FAM20B: variants seen among roughly 807,000 people sequenced by gnomAD.
The protein encoded by FAM20B is glycosaminoglycan xylosylkinase.
A neutral mutation model predicts 43.8 loss-of-function variants in FAM20B; 23 were observed. The ratio of observed to expected loss-of-function variants is 0.53; its 90% CI spans 0.38 to 0.74. The LOEUF (loss-of-function observed/expected upper bound fraction) is 0.74, where lower values mean the gene tolerates loss of function less well. Among genes scored for constraint, FAM20B ranks in the 30% least tolerant of loss-of-function variants. The pLI is 0.00. For synonymous variants in FAM20B, 178 were observed against 192.4 expected (o/e 0.93, Z 0.62); for missense variants, 440 against 510.5 (o/e 0.86, Z 1.33).
intron 1 of FAM20B, among the ~76,000 whole-genome samples, chr1:179,033,012 A>G (rs760845986): frequency 6.6e-6 from 1 of 152,246 alleles, no homozygotes; most frequent in Non-Finnish European, 1.5e-5. Flanking sequence ...GTGTAAACTC[A>G]TAACAGTTAA....
In FAM20B at chr1:179,071,955, T is replaced by C; in HGVS notation, c.1041T>C (p.Asn347=). The stretch of plus-strand genomic sequence containing the variant: ...GGAACAGACTGAACTACCTAAAGAA[T>C]GGTGTGCTAAAGTCTGCCTTAAAAT... The part of the protein sequence containing the change: ...STWNRLNYLK[N]GVLKSALKSA... The change falls in exon 8 of 8, where the codon AAT becomes AAC. Residue 347 remains asparagine (N), a synonymous_variant. Transcript: ENST00000263733. The C allele has an allele frequency of 1.2e-6, 2 of 1,614,184 alleles. No individual in the cohort carries two copies. Among genetic ancestry groups the C allele is most frequent in the South Asian group, 1.1e-5 (1 of 91,084 alleles).
chr1:179,054,645 A>T lies in FAM20B; in HGVS notation c.574+7A>T. ...AGCACCTTCCTAACTGTAGGTAAGA[A>T]GATTGTAGAGGACATTTATATAGGG... On this transcript the variant is annotated splice_region_variant and intron_variant, in intron 4 of 7. Coordinates refer to ENST00000263733, the MANE Select transcript of FAM20B (RefSeq NM_014864.4). 1 of 1,538,630 alleles carries T rather than the reference A, an allele frequency of 6.5e-7. No homozygotes were observed. The highest frequency in any genetic ancestry group is 9.0e-7 in the Non-Finnish European group (1 of 1,112,252).
chr1:179,067,386 C>T (rs1651734510), intron 7 of FAM20B, among the ~76,000 whole-genome samples: 1 of 152,208 alleles, frequency 6.6e-6, no homozygotes, highest in Non-Finnish European at 1.5e-5. Context: ...GGGTGGATCA[C>T]CTGAGGTCAG....
At chr1:179,029,063 T>C (rs1387397467) in intron 1 of FAM20B, among the ~76,000 whole-genome samples, 1 of 152,182 alleles carries the variant, frequency 6.6e-6, no homozygotes, top group East Asian at 1.9e-4. Context: ...GCTCCTACAG[T>C]CTGTTCTGGC....
rs1243897578 is a variant in FAM20B, at chr1:179,073,951, C to T, written c.*1807C>T. 6.6e-6 allele frequency: 1 copy of T among 152,222 alleles called. No individual in the cohort carries two copies. The highest frequency in any genetic ancestry group is 1.5e-5 in the Non-Finnish European group (1 of 68,046). 9.4% of individuals were successfully genotyped at this position (152,222 alleles called of 1,614,324 possible). A position where few individuals can be genotyped will look rare whatever the true frequency, so the allele number is the denominator to read the frequency against. ...CCTGCATCTTGTTGAGGTGCTGTTC[C>T]AGCTTTGCATTTCTGTCAAGTAGAG... is the stretch of plus-strand genomic sequence containing the variant. On this transcript the variant is annotated 3_prime_UTR_variant, in exon 8 of 8. Coordinates refer to ENST00000263733, the MANE Select transcript of FAM20B (RefSeq NM_014864.4).
At chr1:179,066,172 A>G (rs893822503) in intron 6 of FAM20B, among the ~76,000 whole-genome samples, 2 of 152,188 alleles carry the variant, frequency 1.3e-5, no homozygotes, top group Non-Finnish European at 2.9e-5. Flanking sequence ...GACTCTAGCT[A>G]TTAAGGTGAG....
chr1:179,024,559 T>C (rs1396872418), upstream of FAM20B, among the ~76,000 whole-genome samples: 6 of 152,188 alleles, frequency 3.9e-5, no homozygotes, highest in Admixed American at 3.9e-4. Flanking sequence ...AATTATGTAT[T>C]CTCCGGCCAG....
intron 1 of FAM20B, among the ~76,000 whole-genome samples, chr1:179,040,261 C>T (rs1433589410): frequency 3.9e-5 from 6 of 152,206 alleles, no homozygotes; most frequent in African/African-American, 1.2e-4. Context: ...ACCTCCCAGA[C>T]GGGGTGGTGG....
chr1:179,051,129 A>C (rs1383899924), intron 3 of FAM20B, among the ~76,000 whole-genome samples: 1 of 151,918 alleles, frequency 6.6e-6, no homozygotes, highest in Non-Finnish European at 1.5e-5. Context: ...CTTTAAAAAA[A>C]AAAAAAAAGG....
chr1:179,051,178 T>A (rs1572546887), intron 3 of FAM20B, among the ~76,000 whole-genome samples: 1 of 151,820 alleles, frequency 6.6e-6, no homozygotes, highest in African/African-American at 2.4e-5. Context: ...GTAAGTTAAC[T>A]AGGAAAATTC....
chr1:179,064,543 G>A (rs1176903529), intron 6 of FAM20B, 47 bp downstream of exon 6: 8 of 1,457,676 alleles, frequency 5.5e-6, no homozygotes, highest in South Asian at 1.2e-5. Context: ...TTCTGTATAT[G>A]AAAGAAGGGC....
In FAM20B at chr1:179,075,542, A is replaced by G. The variant is rs1652095456; in HGVS notation, c.*3398A>G. 1 of 152,594 alleles carries G rather than the reference A, an allele frequency of 6.6e-6. No individual in the cohort carries two copies. 9.5% of individuals were successfully genotyped at this position (152,594 alleles called of 1,614,324 possible). On this transcript the variant is annotated 3_prime_UTR_variant, in exon 8 of 8. Transcript: ENST00000263733. ...TGTAAATAATTTTCTGTGTAAAACA[A>G]ATTCATAGGATCTGATTTGCTCAGA...
intron 7 of FAM20B, 41 bp from the exon 8 acceptor site, chr1:179,071,872 G>A (rs775114276): frequency 7.2e-7 from 1 of 1,384,474 alleles, no homozygotes; most frequent in East Asian, 2.3e-5. Flanking sequence ...GTTTGATAAT[G>A]AGAAGTTTTA....
intron 1 of FAM20B, among the ~76,000 whole-genome samples, chr1:179,037,240 T>C (rs1650275894): frequency 1.3e-5 from 2 of 152,192 alleles, no homozygotes; most frequent in Non-Finnish European, 2.9e-5. Flanking sequence ...TGATGAGCAC[T>C]GAAGTTGGTG....
At chr1:179,040,976 G>T (rs1425737298) in intron 1 of FAM20B, among the ~76,000 whole-genome samples, 1 of 149,780 alleles carries the variant, frequency 6.7e-6, no homozygotes, top group African/African-American at 2.5e-5. Flanking sequence ...CATCCCAGAC[G>T]GGGCCGGCGG....
chr1:179,033,979 A>C (rs997671089), intron 1 of FAM20B, among the ~76,000 whole-genome samples: 2 of 152,178 alleles, frequency 1.3e-5, no homozygotes, highest in African/African-American at 2.4e-5. Flanking sequence ...GGTGTGAGCC[A>C]CTGCGCCCAG....
At chr1:179,019,710 C>T in the FAM20B span, among the ~76,000 whole-genome samples, 1 of 152,174 alleles carries the variant, frequency 6.6e-6, no homozygotes, top group South Asian at 2.1e-4. Flanking sequence ...GATTTGCCCA[C>T]CTCAGCCTCC....
chr1:179,056,290 C>G (rs1218962512), intron 4 of FAM20B, among the ~76,000 whole-genome samples: 1 of 152,204 alleles, frequency 6.6e-6, no homozygotes, highest in Non-Finnish European at 1.5e-5. Flanking sequence ...TCCACCTATT[C>G]ATCATTCTCC....
intron 6 of FAM20B, among the ~76,000 whole-genome samples, 161 bp downstream of exon 6, chr1:179,064,657 C>A (rs1245197909): frequency 2.6e-5 from 4 of 152,194 alleles, no homozygotes; most frequent in Non-Finnish European, 4.4e-5. Flanking sequence ...CTTCTCTCCA[C>A]TCTCAGGGAT....
Sources: allele counts gnomAD v4.1 joint callset (sites outside exome capture counted in the v4.1 genomes callset), GRCh38; gene constraint gnomAD v4.1.1; transcripts MANE v1.5; gene names NCBI Gene and HGNC (gene_info 2026-07-23, HGNC 2026-07-21).